POF1B: variants seen among roughly 807,000 people sequenced by gnomAD.
POF1B encodes protein POF1B.
A neutral mutation model predicts 55.3 loss-of-function variants in POF1B; 53 were observed. The observed-to-expected ratio is 0.96, with a 90% CI of 0.77 to 1.20. POF1B has a LOEUF of 1.20. Among genes scored for constraint, POF1B ranks in the 50% most tolerant of loss-of-function variants. The pLI is 0.00. For missense variants in POF1B, 478 were observed against 420.5 expected (o/e 1.14, Z -1.20); for synonymous variants, 188 against 148.3 (o/e 1.27, Z -1.95).
intron 2 of POF1B, among the ~76,000 whole-genome samples, chrX:85,368,328 A>G (rs759478477): frequency 9.0e-6 from 1 of 111,162 alleles, no homozygotes; most frequent in African/African-American, 3.3e-5. Flanking sequence ...CCCATTCTTC[A>G]TGATGTGCTT....
At chrX:85,357,401 A>G (rs1933522927) in intron 4 of POF1B, among the ~76,000 whole-genome samples, 2 of 110,250 alleles carry the variant, frequency 1.8e-5, no homozygotes, top group African/African-American at 3.3e-5. Context: ...GCGACCATCC[A>G]TCTCTCCTTT....
At chrX:85,360,865 C>T (rs73627358) in intron 3 of POF1B, among the ~76,000 whole-genome samples, 6,172 of 109,806 alleles carry the variant, frequency 0.056, 468 homozygotes, top group African/African-American at 0.2. Context: ...TCTCCACAGC[C>T]TCACCAGCAT....
chrX:85,316,272 T>A (rs1027737459), intron 7 of POF1B, among the ~76,000 whole-genome samples: 4 of 111,730 alleles, frequency 3.6e-5, no homozygotes, highest in Admixed American at 9.6e-5. Context: ...TGAAGGATAT[T>A]TGAATCTTTA....
chrX:85,310,209 CACTT>C (rs775593981), intron 9 of POF1B, among the ~76,000 whole-genome samples: 2 of 111,993 alleles, frequency 1.8e-5, no homozygotes, highest in East Asian at 2.8e-4. Context: ...TAAGAAAAAA[CACTT>C]AATTGATGAC....
At chrX:85,362,899 A>G (rs1369192088) in intron 3 of POF1B, among the ~76,000 whole-genome samples, 2 of 110,793 alleles carry the variant, frequency 1.8e-5, no homozygotes. Flanking sequence ...TTGTTAGGCT[A>G]TTTATTACTG....
chrX:85,363,938 G>C (rs942856242), intron 3 of POF1B, among the ~76,000 whole-genome samples: 1 of 111,340 alleles, frequency 9.0e-6, no homozygotes, highest in East Asian at 2.8e-4. Context: ...ACCTGTGATG[G>C]GTGCATATAT....
chrX:85,313,756 G>A (rs1189910678), intron 9 of POF1B, among the ~76,000 whole-genome samples: 1 of 111,233 alleles, frequency 9.0e-6, no homozygotes, highest in Non-Finnish European at 1.9e-5. Flanking sequence ...AATGTTACCA[G>A]CTCCTCTTTG....
At chrX:85,340,019 G>A (rs1044126177) in intron 6 of POF1B, among the ~76,000 whole-genome samples, 23 of 110,934 alleles carry the variant, frequency 2.1e-4, no homozygotes, top group African/African-American at 7.5e-4. Flanking sequence ...TAAAGTTTGA[G>A]TTCCACCATC....
intron 7 of POF1B, among the ~76,000 whole-genome samples, chrX:85,323,070 C>G (rs992329620): frequency 9.0e-6 from 1 of 110,871 alleles, no homozygotes; most frequent in Non-Finnish European, 1.9e-5. Flanking sequence ...AGAAATACCA[C>G]TTGACCCAGC....
chrX:85,341,387 T>C (rs1933168136), intron 6 of POF1B, among the ~76,000 whole-genome samples: 1 of 111,075 alleles, frequency 9.0e-6, no homozygotes, highest in Admixed American at 9.6e-5. Flanking sequence ...TTAAACTATA[T>C]ACATATATTA....
Position 85,332,534 on chromosome X carries a change from TA to T in POF1B, c.724-1456del, listed in dbSNP as rs1174107049. On this transcript the variant is annotated intron_variant, in intron 6 of 16. Coordinates refer to ENST00000262753, the MANE Select transcript of POF1B (RefSeq NM_024921.4). Reference sequence around the variant, plus strand: ...ACATTGCATGTAAAACCAAGTGCCCTAAAAACACATTTATTCTTAAGCATAT... The same window carrying T: ...ACATTGCATGTAAAACCAAGTGCCCTAAAACACATTTATTCTTAAGCATAT... Among the ~76,000 whole-genome samples, 3 of 111,416 alleles carry T rather than the reference TA, an allele frequency of 2.7e-5. No individual in the cohort carries two copies. In the East Asian group the frequency reaches 8.4e-4, roughly 31 times the overall value.
chrX:85,358,500 T>C (rs899238403), intron 4 of POF1B, among the ~76,000 whole-genome samples: 1 of 111,349 alleles, frequency 9.0e-6, no homozygotes, highest in Non-Finnish European at 1.9e-5. Context: ...TTAGTACTAA[T>C]TGGATTATGT....
At chrX:85,363,402 T>C (rs1933661611) in intron 3 of POF1B, among the ~76,000 whole-genome samples, 1 of 111,590 alleles carries the variant, frequency 9.0e-6, no homozygotes, top group African/African-American at 3.3e-5. Context: ...AATTTCCCTC[T>C]TAACACTGCC....
chrX:85,351,443 C>T lies in POF1B; in HGVS notation c.447G>A (p.Leu149=). 8.5e-7 allele frequency: 1 copy of T among 1,171,373 alleles called. No homozygotes were observed. The highest frequency in any genetic ancestry group is 1.2e-6 in the Non-Finnish European group (1 of 866,954). ...YVVQNPEQEP[L]SQFLRGSHFF... is the part of the protein sequence containing the mutation. ...AATGGCTTCCTCTTAGGAATTGAGA[C>T]AGTGGTTCCTAAAATGATAGTAAAT... The change falls in exon 5 of 17, where the codon CTG becomes CTA. Residue 149 remains leucine (L), a synonymous_variant. Transcript: ENST00000262753.
intron 9 of POF1B, among the ~76,000 whole-genome samples, chrX:85,308,502 A>G (rs761049637): frequency 3.6e-5 from 4 of 111,615 alleles, no homozygotes; most frequent in East Asian, 2.8e-4. Flanking sequence ...TTTAATTTTT[A>G]CATTATTCTT....
At chrX:85,295,299 G>C (rs1364492232) in intron 15 of POF1B, among the ~76,000 whole-genome samples, 1 of 111,079 alleles carries the variant, frequency 9.0e-6, no homozygotes, top group Non-Finnish European at 1.9e-5. Context: ...GTTCCATTAG[G>C]TGCAATGCAA....
intron 15 of POF1B, among the ~76,000 whole-genome samples, chrX:85,293,495 G>GCAA (rs764174319): frequency 3.0e-4 from 34 of 111,680 alleles, no homozygotes; most frequent in African/African-American, 9.8e-4. Flanking sequence ...GTAGAGAGGA[G>GCAA]CAACACACAC....
chrX:85,310,577 A>T (rs1042661926), intron 9 of POF1B, among the ~76,000 whole-genome samples: 10 of 112,334 alleles, frequency 8.9e-5, no homozygotes, highest in Admixed American at 7.6e-4. Context: ...AGAAAAAATT[A>T]AACAGAGCTT....
chrX:85,354,986 G>T (rs189768517), intron 4 of POF1B, among the ~76,000 whole-genome samples: 2 of 111,479 alleles, frequency 1.8e-5, no homozygotes, highest in East Asian at 5.7e-4. Flanking sequence ...CCAAAAAAGA[G>T]CCCACATTGC....
Sources: gnomAD v4.1 joint callset for allele counts (sites outside exome capture counted in the v4.1 genomes callset) on GRCh38, gnomAD v4.1.1 for gene constraint, MANE v1.5 for transcripts, NCBI Gene and HGNC (gene_info 2026-07-23, HGNC 2026-07-21) for gene names.